LMNTD2: variants seen among roughly 807,000 people sequenced by gnomAD.
LMNTD2 encodes the protein lamin tail domain-containing protein 2.
Under a neutral mutation model 70.1 loss-of-function variants are expected in LMNTD2, and 83 were observed. The observed-to-expected ratio is 1.18, with a 90% CI of 0.99 to 1.42. The LOEUF (loss-of-function observed/expected upper bound fraction) is 1.42, where lower values mean the gene tolerates loss of function less well. Among genes scored for constraint, LMNTD2 ranks in the 40% most tolerant of loss-of-function variants. The probability of loss-of-function intolerance (pLI) is 0.00; values close to 1 mark genes in which losing one functional copy is unlikely to be tolerated. For missense variants in LMNTD2, 1,153 were observed against 905.9 expected (o/e 1.27, Z -3.50); for synonymous variants, 534 against 406.1 (o/e 1.31, Z -3.79).
chr11:560,313 C>G, intron 1 of LMNTD2: 2 of 1,077,790 alleles, frequency 1.9e-6, no homozygotes, highest in Non-Finnish European at 2.2e-6. Context: ...GCCAGCTTCA[C>G]TGTGTGCATG....
chr11:555,274 G>A (rs766120708), intron 13 of LMNTD2, 31 bp downstream of exon 13: 228 of 1,362,574 alleles, frequency 1.7e-4, no homozygotes, highest in Non-Finnish European at 1.9e-4. Flanking sequence ...AGGAGGGAGA[G>A]GAGGGGGCGC....
chr11:557,669 C>T (rs1299689425), intron 5 of LMNTD2, 29 bp from the exon 6 acceptor site: 1 of 1,612,998 alleles, frequency 6.2e-7, no homozygotes, highest in South Asian at 1.1e-5. Flanking sequence ...AGCCAGTGGG[C>T]AGGGGCTGGG....
intron 12 of LMNTD2, 57 bp from the exon 13 acceptor site, chr11:555,560 G>A (rs1852794555): frequency 2.3e-5 from 31 of 1,319,312 alleles, no homozygotes; most frequent in South Asian, 7.8e-5. Context: ...GGCCCTAGAG[G>A]GCTCCGCGCC....
chr11:557,532 C>T, intron 6 of LMNTD2, 40 bp downstream of exon 6: 2 of 1,613,446 alleles, frequency 1.2e-6, no homozygotes, highest in Non-Finnish European at 1.7e-6. Flanking sequence ...TCCCGCAGGG[C>T]TCCAGATACC....
intron 3 of LMNTD2, 51 bp from the exon 4 acceptor site, chr11:558,299 C>G: frequency 6.3e-6 from 10 of 1,576,564 alleles, no homozygotes; most frequent in Non-Finnish European, 8.7e-6. Flanking sequence ...GCAGGGGTTC[C>G]TAATGTCAGG....
At position 555,021 on chromosome 11, in the gene LMNTD2, T is replaced by C; in HGVS notation, c.1864A>G (p.Ser622Gly). 1 of 1,592,334 alleles carries C rather than the reference T, an allele frequency of 6.3e-7. No homozygotes were observed. Among genetic ancestry groups the C allele is most frequent in the African/African-American group, 1.4e-5 (1 of 72,236 alleles). Residue 622 changes from serine to glycine, a missense_variant, in exon 14 of 14, where the codon AGC (serine) becomes GGC (glycine). By Grantham distance (56) the Ser-to-Gly change is moderately conservative. Coordinates refer to ENST00000329451, the MANE Select transcript of LMNTD2 (RefSeq NM_173573.3). ...GTGTCCGCGGTGACCGGCAGGCAGCTGAGGAAGCGGAAGCCGAATCTGCTC... is the reference window on the plus strand; with the variant it reads ...GTGTCCGCGGTGACCGGCAGGCAGCCGAGGAAGCGGAAGCCGAATCTGCTC... ...AESRFGFRFLSCLPVTADTCR... is the reference protein window; with the variant it reads ...AESRFGFRFLGCLPVTADTCR...
Position 554,963 on chromosome 11 carries a change from G to GC in LMNTD2, c.*16dup. The GC allele has an allele frequency of 6.5e-7, 1 of 1,540,680 alleles. No homozygotes were observed. Among genetic ancestry groups the GC allele is most frequent in the Non-Finnish European group, 8.7e-7 (1 of 1,147,460 alleles). On this transcript the variant is annotated 3_prime_UTR_variant, in exon 14 of 14. Transcript: ENST00000329451. ...GCCCGCGCCCTCCCTCGCGGTCCCGGCCCCACTCCTCCGCCCCTAGGCGCC... is the reference window on the plus strand; with the variant it reads ...GCCCGCGCCCTCCCTCGCGGTCCCGGCCCCCACTCCTCCGCCCCTAGGCGCC...
rs1853124207 is a variant in LMNTD2, at chr11:559,273, C to T, written c.35-294G>A. On this transcript the variant is annotated intron_variant, in intron 1 of 13. Coordinates refer to ENST00000329451, the MANE Select transcript of LMNTD2 (RefSeq NM_173573.3). ...GTACCCCTGCCACCCAGGTGCTGGC[C>T]CTTTGCCTGTGATGTGGTGTCCCTC... is the stretch of plus-strand genomic sequence containing the variant. 5 of 1,480,456 alleles carry T rather than the reference C, an allele frequency of 3.4e-6. 1 individual carries two copies. Among genetic ancestry groups the T allele is most frequent in the Non-Finnish European group, 4.5e-6 (5 of 1,100,484 alleles). 91.7% of individuals were successfully genotyped at this position (1,480,456 alleles called of 1,614,324 possible).
chr11:556,448 C>G (rs746499788), intron 9 of LMNTD2, 44 bp downstream of exon 9: 5 of 1,548,236 alleles, frequency 3.2e-6, no homozygotes, highest in Non-Finnish European at 4.4e-6. Context: ...GCCCGGAAAC[C>G]AGCTCCAGTC....
rs766235244 is a variant in LMNTD2 at position 556,823 on chromosome 11, G to A, written c.976+12C>T. The A allele has an allele frequency of 2.8e-5, 44 of 1,549,138 alleles. No homozygotes were observed. Among genetic ancestry groups the A allele is most frequent in the East Asian group, 9.2e-5 (4 of 43,300 alleles). On this transcript the variant is annotated intron_variant, in intron 8 of 13. Transcript: ENST00000329451. ...GGTGAAGGGTAACCAGGGGAGACCCGCCCCACTGCACCTTCTGAGTCCCTG... is the reference window on the plus strand; with the variant it reads ...GGTGAAGGGTAACCAGGGGAGACCCACCCCACTGCACCTTCTGAGTCCCTG...
intron 7 of LMNTD2, 22 bp downstream of exon 7, chr11:557,377 A>G (rs777687029): frequency 6.3e-7 from 1 of 1,574,836 alleles, no homozygotes; most frequent in South Asian, 1.2e-5. Flanking sequence ...GCCCCTGGGG[A>G]GTCCCTGCTC....
rs772810284 is a variant in LMNTD2, at chr11:555,323, C to G, written c.1755G>C (p.Gln585His). The change falls in exon 13 of 14, where the codon CAG becomes CAC. Residue 585 changes from glutamine to histidine, a missense_variant. Coordinates refer to ENST00000329451, the MANE Select transcript of LMNTD2 (RefSeq NM_173573.3). ...AGLGLEDCRL[Q>H]KEHRVRVCRK... ...CACTCACCCGAACTCGGTGTTCTTT[C>G]TGGAGCCGACAGTCCTCCAGGCCCA... The G allele has an allele frequency of 2.1e-6, 3 of 1,421,334 alleles. No homozygotes were observed. In the South Asian group the frequency reaches 4.8e-5, roughly 23 times the overall value. 88.0% of individuals were successfully genotyped at this position (1,421,334 alleles called of 1,614,324 possible).
intron 1 of LMNTD2, 135 bp downstream of exon 1, chr11:560,548 G>A (rs1853209834): frequency 7.8e-7 from 1 of 1,281,034 alleles, no homozygotes; most frequent in Middle Eastern, 2.9e-4. Context: ...GAAGCGAGGG[G>A]AGGGGCTGGC....
intron 1 of LMNTD2, chr11:559,357 A>C: frequency 7.5e-7 from 1 of 1,341,858 alleles, no homozygotes; most frequent in Non-Finnish European, 9.9e-7. Context: ...CTGAGGCCCG[A>C]CCTCCAAGCA....
chr11:556,107 G>A lies in LMNTD2; in HGVS notation c.1266C>T (p.Gly422=), dbSNP rs370908143. 1.3e-6 allele frequency: 2 copies of A among 1,497,648 alleles called. No homozygotes were observed. Among genetic ancestry groups the A allele is most frequent in the South Asian group, 1.3e-5 (1 of 79,462 alleles). 92.8% of individuals were successfully genotyped at this position (1,497,648 alleles called of 1,614,324 possible). The part of the protein sequence containing the change: ...LAPRHHVTVW[G]EATRSAKKPL... ...GCTTCTTGGCGCTGCGGGTCGCCTC[G>A]CCCCAGACCTGGAGGGGCGTGGAGC... Residue 422 remains glycine (G), a synonymous_variant, in exon 11 of 14, where the codon GGC becomes GGT. Transcript: ENST00000329451.
At position 559,825 on chromosome 11, in the gene LMNTD2, T is replaced by C. The variant is rs1025217228; in HGVS notation, c.35-846A>G. On this transcript the variant is annotated intron_variant, in intron 1 of 13. Coordinates refer to ENST00000329451, the MANE Select transcript of LMNTD2 (RefSeq NM_173573.3). Reference sequence around the variant, plus strand: ...TCCAGGCTGGAATGCTTCGGTGTGATGACAGCGCACGTTAACCTCGAATTC... The same window carrying C: ...TCCAGGCTGGAATGCTTCGGTGTGACGACAGCGCACGTTAACCTCGAATTC... 5.3e-6 allele frequency: 5 copies of C among 937,432 alleles called. No homozygotes were observed. In the African/African-American group the frequency reaches 7.0e-5, roughly 13 times the overall value. 58.1% of individuals were successfully genotyped at this position (937,432 alleles called of 1,614,324 possible).
chr11:555,729 CCCA>C lies in LMNTD2; in HGVS notation c.1574+2_1574+4del. The C allele has an allele frequency of 7.2e-7, 1 of 1,391,244 alleles. No individual in the cohort carries two copies. The highest frequency in any genetic ancestry group is 9.2e-7 in the Non-Finnish European group (1 of 1,083,840). 86.2% of individuals were successfully genotyped at this position (1,391,244 alleles called of 1,614,324 possible). ...GGCCAGATCCCGGGGACCCGCGGTC[CCCA>C]CCCTGGTCTCCGGCGACTGACCCGG... On this transcript the variant is annotated splice_donor_variant and splice_donor_region_variant and intron_variant, in intron 12 of 13. Coordinates refer to ENST00000329451, the MANE Select transcript of LMNTD2 (RefSeq NM_173573.3). LOFTEE classifies it high-confidence loss of function.
At chr11:560,195 A>T in intron 1 of LMNTD2, 1 of 674,896 alleles carries the variant, frequency 1.5e-6, no homozygotes, top group Non-Finnish European at 1.8e-6. Context: ...GCCCACGCCC[A>T]CAACTCTTTC....
Position 558,963 on chromosome 11 carries a change from A to G in LMNTD2, c.51T>C (p.Ser17=), listed in dbSNP as rs1853086841. 6.2e-7 allele frequency: 1 copy of G among 1,601,884 alleles called. No individual in the cohort carries two copies. The highest frequency in any genetic ancestry group is 1.3e-5 in the African/African-American group (1 of 74,802). ...CGCCTGCTGGAGGTCCCAGGTGACC[A>G]CTGACCGACTCTTGCTCTGTGGGGG... ...AGRRREQESV[S]GHLGPPAGAP... The change falls in exon 2 of 14, where the codon AGT becomes AGC. Residue 17 remains serine, a synonymous_variant. Coordinates refer to ENST00000329451, the MANE Select transcript of LMNTD2 (RefSeq NM_173573.3).
Sources: gnomAD v4.1 joint callset for allele counts on GRCh38, gnomAD v4.1.1 for gene constraint, MANE v1.5 for transcripts, NCBI Gene and HGNC (gene_info 2026-07-23, HGNC 2026-07-21) for gene names.